Variants in RAB33A observed in about 807,000 individuals in gnomAD.
The protein encoded by RAB33A is ras-related protein Rab-33A.
Under a neutral mutation model 12.0 loss-of-function variants are expected in RAB33A, and 6 were observed. The observed-to-expected ratio is 0.50, with a 90% confidence interval of 0.27 to 0.99. The LOEUF is 0.99. Among genes scored for constraint, RAB33A ranks in the 50% least tolerant of loss-of-function variants. The probability of loss-of-function intolerance (pLI) is 0.11; values close to 1 mark genes in which losing one functional copy is unlikely to be tolerated. For missense variants in RAB33A, 109 were observed against 192.0 expected (o/e 0.57, Z 2.55); for synonymous variants, 70 against 82.4 (o/e 0.85, Z 0.81).
the RAB33A span, among the ~76,000 whole-genome samples, chrX:130,122,162 A>G: frequency 3.6e-5 from 4 of 112,200 alleles, no homozygotes; most frequent in Admixed American, 1.9e-4. Context: ...ATTTGAGGAC[A>G]GTGGAAGGGA....
the RAB33A span, chrX:130,129,888 T>C: frequency 8.8e-7 from 1 of 1,133,162 alleles, no homozygotes; most frequent in Non-Finnish European, 1.2e-6. Flanking sequence ...GGACAATGCA[T>C]CTCAGGGCAC....
the RAB33A span, among the ~76,000 whole-genome samples, chrX:130,134,729 T>G: frequency 9.0e-6 from 1 of 111,321 alleles, no homozygotes; most frequent in Non-Finnish European, 1.9e-5. Flanking sequence ...GATGTGGCAT[T>G]TGAGCTCTCT....
the RAB33A span, chrX:130,137,855 G>A: frequency 1.7e-6 from 1 of 599,896 alleles, no homozygotes. Flanking sequence ...CTGAGGTTGG[G>A]AGTTCAAGAC....
chrX:130,180,338 G>A (rs1030722505), intron 1 of RAB33A, among the ~76,000 whole-genome samples: 2 of 112,826 alleles, frequency 1.8e-5, no homozygotes, highest in African/African-American at 6.4e-5. Flanking sequence ...TGGGGCTCAC[G>A]CCTGTAATCC....
chrX:130,111,906 A>G, the RAB33A span, among the ~76,000 whole-genome samples: 4 of 111,513 alleles, frequency 3.6e-5, no homozygotes, highest in Non-Finnish European at 7.5e-5. Context: ...GTTACTCTGT[A>G]TAGTTCCACG....
the RAB33A span, among the ~76,000 whole-genome samples, chrX:130,157,748 C>T: frequency 6.0e-4 from 66 of 109,368 alleles, no homozygotes; most frequent in Non-Finnish European, 1.1e-3. Flanking sequence ...GGGCAGATCA[C>T]GAGGTCAAGA....
upstream of RAB33A, among the ~76,000 whole-genome samples, chrX:130,168,115 TGCAGTGA>T (rs1175412276): frequency 9.1e-6 from 1 of 109,688 alleles, no homozygotes; most frequent in Non-Finnish European, 1.9e-5. Context: ...AGATCGAGAC[TGCAGTGA>T]GCAGTGATTG....
At chrX:130,180,973 A>T (rs2031720674) in intron 1 of RAB33A, among the ~76,000 whole-genome samples, 1 of 81,483 alleles carries the variant, frequency 1.2e-5, no homozygotes. Flanking sequence ...GCACCACTGC[A>T]CTCCAGCCTG....
chrX:130,166,291 T>C, the RAB33A span, among the ~76,000 whole-genome samples: 4 of 111,519 alleles, frequency 3.6e-5, no homozygotes, highest in African/African-American at 6.5e-5. Flanking sequence ...GCCGGCTCTT[T>C]CCCACCCAAC....
At chrX:130,113,716 G>A in the RAB33A span, among the ~76,000 whole-genome samples, 8 of 111,761 alleles carry the variant, frequency 7.2e-5, no homozygotes, top group East Asian at 2.8e-4. Context: ...GAGCCACCGC[G>A]CCTGGCCCTA....
At chrX:130,150,556 C>T in the RAB33A span, among the ~76,000 whole-genome samples, 5 of 104,783 alleles carry the variant, frequency 4.8e-5, no homozygotes, top group Non-Finnish European at 7.9e-5. Flanking sequence ...GGGATGGTCT[C>T]GATCTCCTGA....
the RAB33A span, among the ~76,000 whole-genome samples, chrX:130,124,518 G>A: frequency 1.8e-5 from 2 of 111,520 alleles, no homozygotes; most frequent in African/African-American, 3.3e-5. Flanking sequence ...AGACCTTGGA[G>A]GCTCCACCAG....
chrX:130,130,291 T>A, the RAB33A span: 1 of 756,914 alleles, frequency 1.3e-6, no homozygotes, highest in Non-Finnish European at 2.0e-6. Flanking sequence ...CTAGAGGATT[T>A]ATTTCTCTAT....
At chrX:130,182,512 TG>T (rs1200024545) in intron 1 of RAB33A, among the ~76,000 whole-genome samples, 1 of 109,985 alleles carries the variant, frequency 9.1e-6, no homozygotes, top group Non-Finnish European at 1.9e-5. Flanking sequence ...CCCAGCTCTT[TG>T]GGAAGCCGAG....
chrX:130,177,427 A>G (rs979408136), intron 1 of RAB33A, among the ~76,000 whole-genome samples: 2 of 112,472 alleles, frequency 1.8e-5, no homozygotes, highest in Non-Finnish European at 3.8e-5. Flanking sequence ...TGAGAAAAAC[A>G]AGGCTCAGTT....
chrX:130,139,762 C>T, the RAB33A span: 2 of 1,194,144 alleles, frequency 1.7e-6, no homozygotes, highest in Non-Finnish European at 2.3e-6. Context: ...TCTTCAAAAA[C>T]AACACAAGGA....
chrX:130,136,813 C>T, the RAB33A span: 2 of 1,079,036 alleles, frequency 1.9e-6, no homozygotes, highest in South Asian at 3.7e-5. Context: ...CAGCGGTCTC[C>T]TCCACGGTAA....
chrX:130,174,663 A>G (rs1463027690), intron 1 of RAB33A, among the ~76,000 whole-genome samples: 1 of 111,771 alleles, frequency 8.9e-6, no homozygotes, highest in African/African-American at 3.3e-5. Context: ...CCAGCAATAG[A>G]AGGCTTTTGG....
chrX:130,170,947 C>T (rs1404494978), upstream of RAB33A, among the ~76,000 whole-genome samples: 5 of 113,029 alleles, frequency 4.4e-5, no homozygotes, highest in Non-Finnish European at 9.4e-5. Flanking sequence ...TCCCCCCCTT[C>T]TCCTAGCCTC....
Sources: allele counts gnomAD v4.1 joint callset (sites outside exome capture counted in the v4.1 genomes callset), GRCh38; gene constraint gnomAD v4.1.1; transcripts MANE v1.5; gene names NCBI Gene and HGNC (gene_info 2026-07-23, HGNC 2026-07-21).